Variants in WDR17 observed in about 807,000 individuals in gnomAD.
WDR17 encodes the protein WD repeat-containing protein 17.
In WDR17, 143 loss-of-function variants were observed where a neutral mutation model predicts 161.7. The ratio of observed to expected loss-of-function variants is 0.88; its 90% CI spans 0.77 to 1.02. WDR17 has a LOEUF of 1.02. Among genes scored for constraint, WDR17 ranks in the 50% least tolerant of loss-of-function variants. The pLI is 0.00. For missense variants in WDR17, 1,469 were observed against 1,520.9 expected (o/e 0.97, Z 0.57); for synonymous variants, 517 against 515.6 (o/e 1.00, Z -0.04).
rs748601724 is a variant in WDR17 at position 176,115,890 on chromosome 4, A to G, written c.218A>G (p.Asp73Gly). 6.2e-7 allele frequency: 1 copy of G among 1,611,722 alleles called. No homozygotes were observed. Among genetic ancestry groups the G allele is most frequent in the South Asian group, 1.1e-5 (1 of 90,850 alleles). ...TAISWCPHNP[D>G]LFASGSTDNL... ...ATTTCTTGGTGTCCACATAATCCTG[A>G]TCTGTTTGCAAGTGGCAGTACTGAT... is the stretch of plus-strand genomic sequence containing the variant. Residue 73 changes from aspartate to glycine, a missense_variant, in exon 3 of 29, where the codon GAT (aspartate) becomes GGT (glycine). Asp to Gly is a moderately conservative substitution (Grantham distance 94, BLOSUM62 -1). Coordinates refer to ENST00000508596, the MANE Select transcript of WDR17 (RefSeq NM_181265.4).
At position 176,150,126 on chromosome 4, in the gene WDR17, G is replaced by A; in HGVS notation, c.2131G>A (p.Ala711Thr). 1 of 1,613,742 alleles carries A rather than the reference G, an allele frequency of 6.2e-7. No homozygotes were observed. Among genetic ancestry groups the A allele is most frequent in the Non-Finnish European group, 8.5e-7 (1 of 1,179,920 alleles). Residue 711 changes from alanine to threonine, a missense_variant, in exon 15 of 29, where the codon GCT (alanine) becomes ACT (threonine). Transcript: ENST00000508596. ...DIRQEIEKLT[A>T]NSQVKKLRWF... ...TAGACAGGAAATAGAAAAACTAACT[G>A]CTAATTCTCAAGTGAAAAAACTAAG...
intron 19 of WDR17, 64 bp downstream of exon 19, chr4:176,160,190 T>C: frequency 1.9e-6 from 3 of 1,578,598 alleles, no homozygotes; most frequent in Non-Finnish European, 2.6e-6. Flanking sequence ...GGGAGAAGGT[T>C]GTGTTGACTG....
intron 1 of WDR17, among the ~76,000 whole-genome samples, chr4:176,079,642 T>C (rs1734493377): frequency 6.6e-6 from 1 of 152,110 alleles, no homozygotes; most frequent in African/African-American, 2.4e-5. Flanking sequence ...CCTACATACA[T>C]ATGTTGTCTT....
intron 18 of WDR17, among the ~76,000 whole-genome samples, chr4:176,156,405 A>AACAT (rs1429995723): frequency 6.6e-6 from 1 of 152,194 alleles, no homozygotes; most frequent in East Asian, 1.9e-4. Context: ...CAGATCAGCA[A>AACAT]ACATACTCAC....
intron 1 of WDR17, among the ~76,000 whole-genome samples, chr4:176,072,878 C>G (rs961559575): frequency 6.6e-6 from 1 of 152,036 alleles, no homozygotes; most frequent in South Asian, 2.1e-4. Context: ...ATCTCTGCAT[C>G]CTGGTATAAA....
intron 19 of WDR17, 34 bp downstream of exon 19, chr4:176,160,160 GA>G: frequency 6.2e-7 from 1 of 1,609,354 alleles, no homozygotes; most frequent in Non-Finnish European, 8.5e-7. Context: ...TCACATACAT[GA>G]ATGCTTGAGC....
chr4:176,083,223 TG>T (rs1734986699), intron 1 of WDR17, among the ~76,000 whole-genome samples: 1 of 152,108 alleles, frequency 6.6e-6, no homozygotes, highest in African/African-American at 2.4e-5. Flanking sequence ...GCTAGGAATT[TG>T]GGTTAAATTT....
chr4:176,125,198 T>A lies in WDR17; in HGVS notation c.633T>A (p.Ser211=). 1 of 1,614,184 alleles carries A rather than the reference T, an allele frequency of 6.2e-7. No homozygotes were observed. Among genetic ancestry groups the A allele is most frequent in the Non-Finnish European group, 8.5e-7 (1 of 1,180,020 alleles). The change falls in exon 5 of 29, where the codon TCT becomes TCA. Residue 211 remains serine (S), a synonymous_variant. Coordinates refer to ENST00000508596, the MANE Select transcript of WDR17 (RefSeq NM_181265.4). ...CGGCCTTGGAATGGGACCCACTATC[T>A]ACTGATTATCTTCTAGTGGTTAATT... ...PVTALEWDPL[S]TDYLLVVNLH... is the part of the protein sequence containing the mutation.
chr4:176,167,533 C>G (rs1579247764), intron 22 of WDR17, among the ~76,000 whole-genome samples: 1 of 148,292 alleles, frequency 6.7e-6, no homozygotes, highest in Non-Finnish European at 1.5e-5. Flanking sequence ...GTAGTCCCAG[C>G]TACTCGGGAG....
In WDR17 at chr4:176,107,534, C is replaced by T. The variant is rs149093948; in HGVS notation, c.-6-4041C>T. Among the ~76,000 whole-genome samples the T allele has an allele frequency of 1.4e-3, 215 of 150,778 alleles. 1 individual carries two copies. The South Asian group carries it at 0.015, about 11-fold the overall frequency. On this transcript the variant is annotated intron_variant, in intron 1 of 28. Coordinates refer to ENST00000508596, the MANE Select transcript of WDR17 (RefSeq NM_181265.4). Reference sequence around the variant, plus strand: ...AGCTAAAACATGGAAGCAATCCAGGCGACAAATCACAGACACGTGGATAAG... The same window carrying T: ...AGCTAAAACATGGAAGCAATCCAGGTGACAAATCACAGACACGTGGATAAG...
intron 13 of WDR17, among the ~76,000 whole-genome samples, chr4:176,148,748 CA>C (rs550440764): frequency 1.6e-3 from 250 of 152,228 alleles, no homozygotes; most frequent in Admixed American, 2.6e-3. Flanking sequence ...CTTATTTAAC[CA>C]TTCCTCTATT....
rs1425145250 is a variant in WDR17, at chr4:176,131,663, A to G, written c.1023A>G (p.Ala341=). The G allele has an allele frequency of 3.1e-6, 5 of 1,613,742 alleles. No individual in the cohort carries two copies. Among genetic ancestry groups the G allele is most frequent in the Non-Finnish European group, 4.2e-6 (5 of 1,179,826 alleles). Reference sequence around the variant, plus strand: ...CATTTTCTCTTCCTCCTGGTCATGCAGTGTGTTGTTTCTTGGATGGTGGAG... The same window carrying G: ...CATTTTCTCTTCCTCCTGGTCATGCGGTGTGTTGTTTCTTGGATGGTGGAG... ...NQAFSLPPGH[A]VCCFLDGGVG... Residue 341 remains alanine, a synonymous_variant, in exon 7 of 29, where the codon GCA becomes GCG. Coordinates refer to ENST00000508596, the MANE Select transcript of WDR17 (RefSeq NM_181265.4).
In WDR17 at chr4:176,152,107, C is replaced by T. The variant is rs1259418195; in HGVS notation, c.2460+140C>T. ...GGTGGATCACTTGAGCCCAGGAGTT[C>T]GATACTAGCCTGAGCAACACGGTAA... On this transcript the variant is annotated intron_variant, in intron 17 of 28. Transcript: ENST00000508596. The T allele has an allele frequency of 5.6e-5, 40 of 718,758 alleles. No homozygotes were observed. In the East Asian group the frequency reaches 6.2e-4, roughly 11 times the overall value. The allele number at this position is 718,758 out of a possible 1,614,324, so 44.5% of individuals were successfully genotyped here. A position where few individuals can be genotyped will look rare whatever the true frequency, so the allele number is the denominator to read the frequency against.
intron 18 of WDR17, among the ~76,000 whole-genome samples, chr4:176,158,095 A>T (rs1748444314): frequency 6.6e-6 from 1 of 152,194 alleles, no homozygotes; most frequent in African/African-American, 2.4e-5. Context: ...TCTTTTTCCT[A>T]AGAGGAACAC....
Position 176,130,514 on chromosome 4 carries a change from G to A in WDR17, c.914-1040G>A, listed in dbSNP as rs1201216667. Among the ~76,000 whole-genome samples, 9 of 152,264 alleles carry A rather than the reference G, an allele frequency of 5.9e-5. No homozygotes were observed. In the South Asian group the frequency reaches 1.4e-3, roughly 25 times the overall value. On this transcript the variant is annotated intron_variant, in intron 6 of 28. Transcript: ENST00000508596. The stretch of plus-strand genomic sequence containing the variant: ...AATCCCAGCACTTCGGGAGGCCAAG[G>A]CGGGCAGATCACAAGGTCAGGAGAT...
intron 1 of WDR17, chr4:176,068,521 AC>A (rs1205201120): frequency 6.6e-6 from 1 of 152,092 alleles, no homozygotes; most frequent in African/African-American, 2.4e-5. Flanking sequence ...AATCTCTTGA[AC>A]CCAGGAGGCC....
In WDR17 at chr4:176,125,090, C is replaced by T. The variant is rs369545755; in HGVS notation, c.539-14C>T. 6.2e-7 allele frequency: 1 copy of T among 1,611,380 alleles called. No homozygotes were observed. The highest frequency in any genetic ancestry group is 8.5e-7 in the Non-Finnish European group (1 of 1,178,700). On this transcript the variant is annotated splice_polypyrimidine_tract_variant and intron_variant, in intron 4 of 28. Transcript: ENST00000508596. Reference sequence around the variant, plus strand: ...GCAAGTTTTTTGGAAATAATTATCTCTGTATTTTAACAGGTAATAAAAATC... The same window carrying T: ...GCAAGTTTTTTGGAAATAATTATCTTTGTATTTTAACAGGTAATAAAAATC...
intron 1 of WDR17, among the ~76,000 whole-genome samples, chr4:176,089,718 C>G (rs1358448203): frequency 2.6e-5 from 4 of 152,164 alleles, no homozygotes; most frequent in African/African-American, 4.8e-5. Flanking sequence ...AGTGGCAGAT[C>G]TATGTCTTGT....
chr4:176,076,246 TATATATATAC>T (rs1247631856), intron 1 of WDR17, among the ~76,000 whole-genome samples: 59 of 79,800 alleles, frequency 7.4e-4, no homozygotes, highest in African/African-American at 1.8e-3. Flanking sequence ...TATATATATA[TATATATATAC>T]ACACACACAC....
Sources: allele counts gnomAD v4.1 joint callset (sites outside exome capture counted in the v4.1 genomes callset), GRCh38; gene constraint gnomAD v4.1.1; transcripts MANE v1.5; gene names NCBI Gene and HGNC (gene_info 2026-07-23, HGNC 2026-07-21).